Variants in COL9A1 observed in about 807,000 individuals in gnomAD.
The protein encoded by COL9A1 is collagen type IX alpha 1 chain.
A neutral mutation model predicts 142.6 loss-of-function variants in COL9A1; 104 were observed. That is an observed-to-expected ratio of 0.73 (90% confidence interval 0.62 to 0.86). The LOEUF (loss-of-function observed/expected upper bound fraction) is 0.86. Among genes scored for constraint, COL9A1 ranks in the 40% least tolerant of loss-of-function variants. The probability of loss-of-function intolerance (pLI) is 0.00; values close to 1 mark genes in which losing one functional copy is unlikely to be tolerated. For missense variants in COL9A1, 1,210 were observed against 1,176.6 expected, an observed-to-expected ratio of 1.03 and a Z score of -0.42; for synonymous variants, 466 against 396.0, an observed-to-expected ratio of 1.18 and a Z score of -2.10.
intron 5 of COL9A1, among the ~76,000 whole-genome samples, chr6:70,290,472 C>T (rs1444040513): frequency 6.6e-6 from 1 of 152,080 alleles, no homozygotes; most frequent in Non-Finnish European, 1.5e-5. Context: ...ACTAAGTAAC[C>T]ATGAATGATG....
intron 19 of COL9A1, among the ~76,000 whole-genome samples, chr6:70,262,908 TATATC>T (rs1302237637): frequency 6.6e-6 from 1 of 152,246 alleles, no homozygotes; most frequent in Non-Finnish European, 1.5e-5. Context: ...ATTTTCTCAT[TATATC>T]ATGTGATAAT....
intron 35 of COL9A1, among the ~76,000 whole-genome samples, chr6:70,233,209 T>C (rs1186636293): frequency 1.3e-5 from 2 of 152,222 alleles, no homozygotes; most frequent in East Asian, 1.9e-4. Context: ...AAGAACATTG[T>C]CCAGAATTAA....
At chr6:70,280,491 C>T (rs1007288242) in intron 10 of COL9A1, 39 of 1,324,902 alleles carry the variant, frequency 2.9e-5, no homozygotes, top group Non-Finnish European at 3.0e-5. Context: ...ATCCGTACCC[C>T]CTCTGGCCCC....
chr6:70,254,618 A>G, intron 24 of COL9A1, 89 bp from the exon 25 acceptor site: 1 of 1,273,514 alleles, frequency 7.9e-7, no homozygotes, highest in Non-Finnish European at 1.1e-6. Context: ...GTTTTAAGTA[A>G]AAGGATTGTC....
At chr6:70,220,063 A>G (rs2127547064) in intron 37 of COL9A1, among the ~76,000 whole-genome samples, 1 of 152,152 alleles carries the variant, frequency 6.6e-6, no homozygotes, top group Middle Eastern at 3.4e-3. Context: ...CCCTTGATTT[A>G]TTTTATGAAG....
rs1190248931 is a variant in COL9A1, at chr6:70,300,378, CAG to C, written c.95_96del (p.Pro32ArgfsTer6). On this transcript the variant is annotated frameshift_variant, in exon 3 of 38. Coordinates refer to ENST00000357250, the MANE Select transcript of COL9A1 (RefSeq NM_001851.6). LOFTEE classifies it high-confidence loss of function. ...TTTCCACCATTAGAATTGGAATTGA[CAG>C]GGAATCCTGCAAAAGAGATAGCATG... ...SAAVKRRPRF[P>X]VNSNSNGGNE... 6.2e-7 allele frequency: 1 copy of C among 1,611,256 alleles called. No individual in the cohort carries two copies. The highest frequency in any genetic ancestry group is 8.5e-7 in the Non-Finnish European group (1 of 1,177,908).
At chr6:70,270,174 G>A in intron 15 of COL9A1, 140 bp downstream of exon 15, 1 of 765,298 alleles carries the variant, frequency 1.3e-6, no homozygotes, top group East Asian at 2.5e-5. Context: ...CCATGCCCTT[G>A]AGTGCATGGA....
rs1773107843 is a variant in COL9A1 at position 70,280,823 on chromosome 6, G to C, written c.964C>G (p.Pro322Ala). 3.7e-6 allele frequency: 6 copies of C among 1,612,828 alleles called. No individual in the cohort carries two copies. Among genetic ancestry groups the C allele is most frequent in the Non-Finnish European group, 5.1e-6 (6 of 1,179,724 alleles). Residue 322 changes from proline (P) to alanine (A), a missense_variant, in exon 10 of 38, where the codon CCT (proline) becomes GCT (alanine). Coordinates refer to ENST00000357250, the MANE Select transcript of COL9A1 (RefSeq NM_001851.6). ...KPGAPGKPGT[P>A]GADGLTGPDG... ...ACTCGCCTACTCACATCAGCGCCAGGTGTGCCAGGCTTGCCTGGAGCTCCT... is the reference window on the plus strand; with the variant it reads ...ACTCGCCTACTCACATCAGCGCCAGCTGTGCCAGGCTTGCCTGGAGCTCCT...
chr6:70,282,076 T>G, intron 7 of COL9A1, among the ~76,000 whole-genome samples: 1 of 152,172 alleles, frequency 6.6e-6, no homozygotes, highest in Middle Eastern at 3.2e-3. Flanking sequence ...TTACACCAAA[T>G]TTCAGACTGA....
intron 10 of COL9A1, chr6:70,280,545 A>C: frequency 7.2e-7 from 1 of 1,386,884 alleles, no homozygotes; most frequent in Non-Finnish European, 9.4e-7. Flanking sequence ...GGTCACGGTT[A>C]GAGACAGGAA....
chr6:70,287,885 T>A (rs1028571113), intron 5 of COL9A1, among the ~76,000 whole-genome samples: 4 of 152,214 alleles, frequency 2.6e-5, no homozygotes, highest in Admixed American at 2.0e-4. Flanking sequence ...TGACAAATGT[T>A]CCTCATCTCA....
At chr6:70,280,394 G>C in intron 10 of COL9A1, 1 of 1,170,078 alleles carries the variant, frequency 8.5e-7, no homozygotes. Context: ...AGGGAGTGCC[G>C]GTGAAAGAGC....
intron 5 of COL9A1, among the ~76,000 whole-genome samples, chr6:70,289,153 T>G (rs569642297): frequency 2.1e-3 from 326 of 152,212 alleles, no homozygotes; most frequent in Non-Finnish European, 3.6e-3. Flanking sequence ...CAAAGTTTCC[T>G]CCAGCTCTGA....
At position 70,269,643 on chromosome 6, in the gene COL9A1, C is replaced by T. The variant is rs746748280; in HGVS notation, c.1220G>A (p.Gly407Glu). The change falls in exon 16 of 38, where the codon GGA becomes GAA. Residue 407 changes from glycine (G) to glutamate (E), a missense_variant. Coordinates refer to ENST00000357250, the MANE Select transcript of COL9A1 (RefSeq NM_001851.6). Reference sequence around the variant, plus strand: ...AGGAAAGCATCTTACCAATGGATCTCCATCATGAAAGCCAATTGTTCCCTA... The same window carrying T: ...AGGAAAGCATCTTACCAATGGATCTTCATCATGAAAGCCAATTGTTCCCTA... ...GPRGTIGFHD[G>E]DPLCPNACPP... 28 of 1,592,496 alleles carry T rather than the reference C, an allele frequency of 1.8e-5. No individual in the cohort carries two copies. The African/African-American group carries it at 3.1e-4, about 18-fold the overall frequency.
At chr6:70,291,942 A>G (rs1450350315) in intron 5 of COL9A1, among the ~76,000 whole-genome samples, 1 of 152,168 alleles carries the variant, frequency 6.6e-6, no homozygotes, top group Non-Finnish European at 1.5e-5. Flanking sequence ...TCTACTTTCC[A>G]TCTTACAAGG....
At chr6:70,264,486 G>C (rs933469328) in intron 18 of COL9A1, among the ~76,000 whole-genome samples, 5 of 152,030 alleles carry the variant, frequency 3.3e-5, no homozygotes, top group Admixed American at 1.3e-4. Context: ...AGGAAAGCCA[G>C]AGAATTAGCT....
At position 70,254,970 on chromosome 6, in the gene COL9A1, C is replaced by G; in HGVS notation, c.1658G>C (p.Gly553Ala). 6.2e-7 allele frequency: 1 copy of G among 1,614,124 alleles called. No individual in the cohort carries two copies. The highest frequency in any genetic ancestry group is 8.5e-7 in the Non-Finnish European group (1 of 1,179,980). Residue 553 changes from glycine (G) to alanine (A), a missense_variant, in exon 24 of 38, where the codon GGA (glycine) becomes GCA (alanine). By Grantham distance (60) the Gly-to-Ala change is moderately conservative. Transcript: ENST00000357250. The stretch of plus-strand genomic sequence containing the variant: ...GTAAATTACACAGCCTACCTTTGTT[C>G]CAGGCATTCCAGGGATCCCATCACG... ...DGRDGIPGMP[G>A]TKGEPGKPGP... is the part of the protein sequence containing the mutation.
chr6:70,262,900 T>C (rs564359877), intron 19 of COL9A1, among the ~76,000 whole-genome samples: 3 of 152,336 alleles, frequency 2.0e-5, no homozygotes, highest in Admixed American at 6.5e-5. Flanking sequence ...CACACAAAAT[T>C]TTCTCATTAT....
chr6:70,287,478 G>C (rs896163912), intron 5 of COL9A1, among the ~76,000 whole-genome samples: 2 of 152,134 alleles, frequency 1.3e-5, no homozygotes, highest in Admixed American at 1.3e-4. Flanking sequence ...GCAACAAGAA[G>C]TGTTACACTC....
Sources: allele counts gnomAD v4.1 joint callset (sites outside exome capture counted in the v4.1 genomes callset), GRCh38; gene constraint gnomAD v4.1.1; transcripts MANE v1.5; gene names NCBI Gene and HGNC (gene_info 2026-07-23, HGNC 2026-07-21).